PRDM5: variants seen among roughly 807,000 people sequenced by gnomAD.
PRDM5 encodes the protein PR domain zinc finger protein 5.
Under a neutral mutation model 81.2 loss-of-function variants are expected in PRDM5, and 56 were observed. The observed-to-expected ratio is 0.69, with a 90% CI of 0.56 to 0.86. The LOEUF (loss-of-function observed/expected upper bound fraction) is 0.86. Ranked by LOEUF, PRDM5 falls within the 40% of genes least tolerant of loss-of-function variation. The pLI, the probability that PRDM5 is intolerant of heterozygous loss-of-function variation, is 0.00. For synonymous variants in PRDM5, 267 were observed against 256.4 expected (o/e 1.04, Z -0.39); for missense variants, 697 against 770.1 (o/e 0.91, Z 1.12).
At chr4:120,768,840 T>A (rs747824129) in intron 13 of PRDM5, among the ~76,000 whole-genome samples, 26 of 152,318 alleles carry the variant, frequency 1.7e-4, no homozygotes, top group Admixed American at 7.2e-4. Context: ...TTAAGCACTG[T>A]AAGTTTATAG....
At chr4:120,809,989 A>G (rs1753599481) in intron 8 of PRDM5, among the ~76,000 whole-genome samples, 2 of 152,350 alleles carry the variant, frequency 1.3e-5, no homozygotes, top group South Asian at 4.1e-4. Flanking sequence ...TCTAGCTACA[A>G]GAGAACAGGC....
chr4:120,798,484 A>G, intron 9 of PRDM5, 60 bp from the exon 10 acceptor site: 4 of 1,460,516 alleles, frequency 2.7e-6, no homozygotes, highest in Non-Finnish European at 3.8e-6. Flanking sequence ...GATAAAAGAG[A>G]AAACACCCTT....
intron 15 of PRDM5, among the ~76,000 whole-genome samples, chr4:120,709,645 T>C (rs1736667979): frequency 6.6e-6 from 1 of 152,196 alleles, no homozygotes; most frequent in Non-Finnish European, 1.5e-5. Flanking sequence ...TTTCTTACAT[T>C]GATTCCCTAA....
chr4:120,806,528 C>T (rs1314177036), intron 8 of PRDM5, among the ~76,000 whole-genome samples: 5 of 152,098 alleles, frequency 3.3e-5, no homozygotes, highest in South Asian at 2.1e-4. Flanking sequence ...AGAACAGAGG[C>T]CTCAGAAATA....
intron 2 of PRDM5, among the ~76,000 whole-genome samples, chr4:120,892,555 C>T (rs1245451309): frequency 1.3e-5 from 2 of 152,186 alleles, no homozygotes; most frequent in East Asian, 3.8e-4. Context: ...GGCAGACAGG[C>T]CATATCCTTG....
chr4:120,699,944 AAAATAAAT>A (rs5861483), intron 15 of PRDM5, among the ~76,000 whole-genome samples: 2,298 of 148,596 alleles, frequency 0.015, 58 homozygotes, highest in African/African-American at 0.053. Context: ...ATATAGAACC[AAAATAAAT>A]AAATAAATAA....
chr4:120,816,680 G>C, intron 6 of PRDM5, 106 bp from the exon 7 acceptor site: 1 of 1,568,296 alleles, frequency 6.4e-7, no homozygotes, highest in Non-Finnish European at 8.8e-7. Context: ...GTAGAGTTTC[G>C]GGGTCATTCC....
chr4:120,887,495 C>T (rs943672359), intron 2 of PRDM5, among the ~76,000 whole-genome samples: 2 of 152,174 alleles, frequency 1.3e-5, no homozygotes, highest in South Asian at 2.1e-4. Context: ...TCTCATCAGT[C>T]TCCTGCTCAA....
chr4:120,771,731 T>C (rs1747326643), intron 13 of PRDM5, among the ~76,000 whole-genome samples: 1 of 152,152 alleles, frequency 6.6e-6, no homozygotes, highest in Non-Finnish European at 1.5e-5. Context: ...ATTCTCAATA[T>C]GATGTCCTGT....
chr4:120,883,052 G>T (rs1192158787), intron 2 of PRDM5, among the ~76,000 whole-genome samples: 1 of 152,182 alleles, frequency 6.6e-6, no homozygotes, highest in African/African-American at 2.4e-5. Context: ...GTAACCAGTT[G>T]CTACCATAGT....
At chr4:120,886,213 C>T (rs1366508675) in intron 2 of PRDM5, among the ~76,000 whole-genome samples, 2 of 152,184 alleles carry the variant, frequency 1.3e-5, no homozygotes, top group Non-Finnish European at 2.9e-5. Flanking sequence ...GACCCCATAA[C>T]AAAATGTTAT....
chr4:120,791,931 G>A (rs546513547), intron 10 of PRDM5, among the ~76,000 whole-genome samples: 1 of 152,290 alleles, frequency 6.6e-6, no homozygotes, highest in African/African-American at 2.4e-5. Context: ...AAACCAGGAA[G>A]TGGGCCCTCA....
chr4:120,741,325 A>C (rs1741903512), intron 14 of PRDM5, among the ~76,000 whole-genome samples: 1 of 152,062 alleles, frequency 6.6e-6, no homozygotes, highest in African/African-American at 2.4e-5. Flanking sequence ...AAATAGAATG[A>C]ACCTTTTTCT....
At chr4:120,756,459 T>C (rs1488941340) in intron 13 of PRDM5, among the ~76,000 whole-genome samples, 2 of 152,220 alleles carry the variant, frequency 1.3e-5, no homozygotes, top group African/African-American at 4.8e-5. Flanking sequence ...CTCTAAGTCA[T>C]AATGATTTTG....
chr4:120,798,230 A>G, intron 10 of PRDM5, 37 bp downstream of exon 10: 1 of 1,429,688 alleles, frequency 7.0e-7, no homozygotes. Context: ...ACAGCAGCAA[A>G]TTCATAAAAA....
chr4:120,786,124 CA>C (rs1441145456), intron 10 of PRDM5, among the ~76,000 whole-genome samples: 1 of 151,678 alleles, frequency 6.6e-6, no homozygotes, highest in Non-Finnish European at 1.5e-5. Flanking sequence ...GTGACAAAAA[CA>C]AAAAAGTAAT....
chr4:120,798,297 G>A lies in PRDM5; in HGVS notation c.1158C>T (p.Ala386=), dbSNP rs761130166. 11 of 1,608,148 alleles carry A rather than the reference G, an allele frequency of 6.8e-6. 1 individual carries two copies. In the Admixed American group the frequency reaches 1.8e-4, roughly 27 times the overall value. The change falls in exon 10 of 16, where the codon GCC becomes GCT. Residue 386 remains alanine, a synonymous_variant. Transcript: ENST00000264808. ...YKCKLCGKGF[A]HRNVYKNHKK... ...TATGATTCTTGTAAACATTTCTGTGGGCAAATCCCTTTCCACAAAGTTTGC... is the reference window on the plus strand; with the variant it reads ...TATGATTCTTGTAAACATTTCTGTGAGCAAATCCCTTTCCACAAAGTTTGC...
downstream of PRDM5, among the ~76,000 whole-genome samples, chr4:120,688,332 T>G (rs67844626): frequency 0.16 from 24,038 of 152,034 alleles, 2,434 homozygotes; most frequent in Non-Finnish European, 0.24. Flanking sequence ...TTGGGTTGTT[T>G]TTTATTGTTG....
Position 120,816,887 on chromosome 4 carries a change from A to C in PRDM5, c.688T>G (p.Ser230Ala). 2 of 1,613,692 alleles carry C rather than the reference A, an allele frequency of 1.2e-6. No individual in the cohort carries two copies. The highest frequency in any genetic ancestry group is 1.1e-5 in the South Asian group (1 of 91,074). ...QCTAKSSLKE[S>A]SRSFQCSVCN... is the part of the protein sequence containing the mutation. The stretch of plus-strand genomic sequence containing the variant: ...ACAGAGCACTGAAAACTTCGCGAAG[A>C]CTCCTTTAGACTGCTTTTCGCTGTG... The change falls in exon 6 of 16, where the codon TCT becomes GCT. Residue 230 changes from serine to alanine, a missense_variant. This residue lies in a region of PRDM5 where 577 missense variants were observed against 606.7 expected (regional missense o/e 0.95). Transcript: ENST00000264808.
Sources: gnomAD v4.1 joint callset for allele counts (sites outside exome capture counted in the v4.1 genomes callset) on GRCh38, gnomAD v4.1.1 for gene constraint, gnomAD v4.1.1 regional missense constraint, MANE v1.5 for transcripts, NCBI Gene and HGNC (gene_info 2026-07-23, HGNC 2026-07-21) for gene names.